EPHA6: variants seen among roughly 807,000 people sequenced by gnomAD.
The protein encoded by EPHA6 is ephrin type-A receptor 6.
EPHA6 carries 50 observed loss-of-function variants against 112.0 expected under a neutral mutation model. That is an observed-to-expected ratio of 0.45 (90% CI 0.36 to 0.56). The LOEUF is 0.56. Among genes scored for constraint, EPHA6 ranks in the 20% least tolerant of loss-of-function variants. The pLI is 0.00. For missense variants in EPHA6, 1,280 were observed against 1,417.4 expected (o/e 0.90, Z 1.56); for synonymous variants, 529 against 490.7 (o/e 1.08, Z -1.03).
At chr3:97,504,403 A>G (rs2092195067) in intron 10 of EPHA6, among the ~76,000 whole-genome samples, 1 of 152,222 alleles carries the variant, frequency 6.6e-6, no homozygotes, top group South Asian at 2.1e-4. Flanking sequence ...TAAGAAAATG[A>G]TGAGGCCTAG....
At chr3:97,290,199 T>A (rs147578295) in intron 5 of EPHA6, among the ~76,000 whole-genome samples, 52 of 152,282 alleles carry the variant, frequency 3.4e-4, no homozygotes, top group African/African-American at 1.2e-3. Context: ...TCTGTGTTAA[T>A]TTTGTTGTTT....
Position 96,932,145 on chromosome 3 carries a change from C to G in EPHA6, c.451-55185C>G, listed in dbSNP as rs139688416. Among the ~76,000 whole-genome samples the G allele has an allele frequency of 9.0e-4, 137 of 152,284 alleles. 1 individual carries two copies. Among genetic ancestry groups the G allele is most frequent in the Middle Eastern group, 3.4e-3 (1 of 294 alleles). The stretch of plus-strand genomic sequence containing the variant: ...CTGTATTCCAGGGTGGGCCATCACT[C>G]TACCCTGCTTTTCTTCATTCTCTGT... On this transcript the variant is annotated intron_variant, in intron 2 of 17. Transcript: ENST00000389672.
intron 5 of EPHA6, among the ~76,000 whole-genome samples, chr3:97,352,818 A>T (rs2083882771): frequency 6.6e-6 from 1 of 151,992 alleles, no homozygotes; most frequent in Non-Finnish European, 1.5e-5. Flanking sequence ...CCAAGCGGGG[A>T]GTGTTTGCAT....
intron 14 of EPHA6, among the ~76,000 whole-genome samples, chr3:97,685,261 C>T (rs2032165266): frequency 6.6e-6 from 1 of 152,024 alleles, no homozygotes; most frequent in African/African-American, 2.4e-5. Flanking sequence ...CTGTATGCAT[C>T]CAAAAATGTA....
chr3:97,122,114 GATA>G (rs1278691392), intron 3 of EPHA6, among the ~76,000 whole-genome samples: 1 of 151,964 alleles, frequency 6.6e-6, no homozygotes, highest in Non-Finnish European at 1.5e-5. Flanking sequence ...TACCATATTT[GATA>G]ATATTAGATT....
chr3:96,896,012 G>T (rs2038250477), intron 2 of EPHA6, among the ~76,000 whole-genome samples: 1 of 152,140 alleles, frequency 6.6e-6, no homozygotes, highest in Admixed American at 6.5e-5. Context: ...CCAGGTTTGT[G>T]TAAGTATACT....
intron 9 of EPHA6, among the ~76,000 whole-genome samples, chr3:97,482,964 A>G: frequency 6.6e-6 from 1 of 152,170 alleles, no homozygotes; most frequent in East Asian, 1.9e-4. Flanking sequence ...GGAAAATGGA[A>G]ATTAATGAGC....
chr3:97,385,505 T>G (rs1368923543), intron 5 of EPHA6, among the ~76,000 whole-genome samples: 1 of 152,168 alleles, frequency 6.6e-6, no homozygotes, highest in Non-Finnish European at 1.5e-5. Flanking sequence ...GGTAAGAAGT[T>G]TAGACCCAGG....
At chr3:97,681,973 G>C (rs1354786692) in intron 14 of EPHA6, among the ~76,000 whole-genome samples, 2 of 151,954 alleles carry the variant, frequency 1.3e-5, no homozygotes, top group East Asian at 1.9e-4. Context: ...TAACCAGAAG[G>C]CTTCTTATAG....
rs1016613936 is a variant in EPHA6 at position 97,132,423 on chromosome 3, A to G, written c.1115-93841A>G. ...ACGGGAGGTGAAAAACTGTAAAATC[A>G]TTCATTCAACTTAGTCTTTTTAAAT... On this transcript the variant is annotated intron_variant, in intron 3 of 17. Transcript: ENST00000389672. Among the ~76,000 whole-genome samples, 3 of 152,064 alleles carry G rather than the reference A, an allele frequency of 2.0e-5. No individual in the cohort carries two copies. The East Asian group carries it at 5.8e-4, about 29-fold the overall frequency.
At chr3:97,361,080 C>A (rs2084346535) in intron 5 of EPHA6, among the ~76,000 whole-genome samples, 2 of 152,128 alleles carry the variant, frequency 1.3e-5, no homozygotes, top group African/African-American at 4.8e-5. Context: ...GATCAAGGAT[C>A]GCTTTGTTTT....
intron 1 of EPHA6, among the ~76,000 whole-genome samples, chr3:96,854,919 C>G (rs2035606893): frequency 6.6e-6 from 1 of 152,160 alleles, no homozygotes; most frequent in African/African-American, 2.4e-5. Context: ...GTTTAAATAA[C>G]ACACGTTTAT....
chr3:97,332,637 A>G (rs1029329697), intron 5 of EPHA6, among the ~76,000 whole-genome samples: 1 of 152,088 alleles, frequency 6.6e-6, no homozygotes, highest in Admixed American at 6.6e-5. Flanking sequence ...TTCATTTTGA[A>G]TTGATATTAG....
intron 6 of EPHA6, among the ~76,000 whole-genome samples, chr3:97,406,685 C>G (rs1004295654): frequency 6.6e-6 from 1 of 152,042 alleles, no homozygotes; most frequent in Non-Finnish European, 1.5e-5. Context: ...TTTTGTTGCT[C>G]TAATAATTTC....
chr3:96,816,200 T>C (rs929492568), intron 1 of EPHA6, among the ~76,000 whole-genome samples: 2 of 152,206 alleles, frequency 1.3e-5, no homozygotes, highest in African/African-American at 4.8e-5. Context: ...AAAATATAAT[T>C]ATTAAATTGT....
intron 3 of EPHA6, among the ~76,000 whole-genome samples, chr3:97,133,855 A>T (rs1012028592): frequency 2.6e-5 from 4 of 152,026 alleles, no homozygotes; most frequent in African/African-American, 9.7e-5. Context: ...TGTTCTCAAT[A>T]GGGAATTCTA....
intron 2 of EPHA6, among the ~76,000 whole-genome samples, chr3:96,882,764 G>A (rs1246696278): frequency 5.7e-4 from 81 of 140,980 alleles, no homozygotes; most frequent in African/African-American, 2.2e-3. Context: ...GTGTGTGTGT[G>A]TGTGTATAGT....
intron 11 of EPHA6, among the ~76,000 whole-genome samples, chr3:97,582,166 A>T (rs752128866): frequency 1.3e-5 from 2 of 151,978 alleles, no homozygotes; most frequent in Non-Finnish European, 2.9e-5. Flanking sequence ...AATAGCTGGG[A>T]TTGCAGGCAT....
intron 12 of EPHA6, among the ~76,000 whole-genome samples, chr3:97,604,914 A>G (rs540168598): frequency 1.3e-5 from 2 of 151,592 alleles, no homozygotes; most frequent in African/African-American, 4.8e-5. Context: ...CTGACATTCA[A>G]CTCAAAAAAT....
Sources: allele counts gnomAD v4.1 joint callset (sites outside exome capture counted in the v4.1 genomes callset), GRCh38; gene constraint gnomAD v4.1.1; transcripts MANE v1.5; gene names NCBI Gene and HGNC (gene_info 2026-07-23, HGNC 2026-07-21).